Variants in CDH13 observed in about 807,000 individuals in gnomAD.
CDH13 encodes the protein cadherin-13.
Under a neutral mutation model 63.8 loss-of-function variants are expected in CDH13, and 24 were observed. The ratio of observed to expected loss-of-function variants is 0.38; its 90% CI spans 0.27 to 0.53. The LOEUF (loss-of-function observed/expected upper bound fraction) is 0.53. CDH13 is among the 20% of genes least tolerant of loss of function. The probability of loss-of-function intolerance (pLI) is 0.85; values close to 1 mark genes in which losing one functional copy is unlikely to be tolerated. For synonymous variants in CDH13, 503 were observed against 355.3 expected (o/e 1.42, Z -4.67); for missense variants, 1,049 against 903.1 (o/e 1.16, Z -2.07).
At chr16:83,400,854 A>C (rs1180277981) in intron 6 of CDH13, among the ~76,000 whole-genome samples, 1 of 152,158 alleles carries the variant, frequency 6.6e-6, no homozygotes, top group Non-Finnish European at 1.5e-5. Flanking sequence ...GGATTACTTT[A>C]AAATTCGGTC....
intron 8 of CDH13, among the ~76,000 whole-genome samples, chr16:83,614,226 G>A (rs1909096882): frequency 6.6e-6 from 1 of 152,194 alleles, no homozygotes; most frequent in Non-Finnish European, 1.5e-5. Context: ...ATGACTTTAA[G>A]TCAGTCTGAG....
At chr16:83,265,753 T>TTTTTTTTTTTTTTTTTC in intron 5 of CDH13, among the ~76,000 whole-genome samples, 1 of 132,548 alleles carries the variant, frequency 7.5e-6, no homozygotes, top group South Asian at 2.5e-4. Context: ...TTTTTTTTTT[T>TTTTTTTTTTTTTTTTTC]GGTCTGTGTC....
At chr16:83,151,935 C>T (rs918810409) in intron 4 of CDH13, among the ~76,000 whole-genome samples, 3 of 148,288 alleles carry the variant, frequency 2.0e-5, no homozygotes, top group African/African-American at 7.6e-5. Flanking sequence ...GCGCTCCAGC[C>T]TGGGCAACAA....
chr16:83,492,541 G>C (rs773366054), intron 7 of CDH13, among the ~76,000 whole-genome samples: 25 of 152,218 alleles, frequency 1.6e-4, no homozygotes, highest in Admixed American at 3.9e-4. Context: ...GGAAAAAGTA[G>C]ATGTAAATAA....
At chr16:83,084,047 A>G (rs1244084427) in intron 3 of CDH13, among the ~76,000 whole-genome samples, 2 of 152,232 alleles carry the variant, frequency 1.3e-5, no homozygotes, top group Admixed American at 6.5e-5. Context: ...TTGTGGCCAC[A>G]TGAACTGGCA....
intron 2 of CDH13, among the ~76,000 whole-genome samples, chr16:82,949,428 G>A (rs6565089): frequency 0.21 from 31,830 of 152,162 alleles, 3,428 homozygotes; most frequent in Middle Eastern, 0.28. Context: ...CATGTGCACA[G>A]ATTCTATTCC....
chr16:83,646,196 C>T (rs769086127), intron 8 of CDH13, among the ~76,000 whole-genome samples: 1 of 152,182 alleles, frequency 6.6e-6, no homozygotes, highest in Non-Finnish European at 1.5e-5. Flanking sequence ...CACTCCCTAA[C>T]TCTGCTACCC....
In CDH13 at chr16:82,796,944, C is replaced by G. The variant is rs78562558; in HGVS notation, c.46-61418C>G. Among the ~76,000 whole-genome samples the G allele has an allele frequency of 7.7e-3, 1,174 of 152,258 alleles. 10 individuals carry two copies. The highest frequency in any genetic ancestry group is 0.026 in the African/African-American group (1,092 of 41,538). On this transcript the variant is annotated intron_variant, in intron 1 of 13. Coordinates refer to ENST00000567109, the MANE Select transcript of CDH13 (RefSeq NM_001257.5). ...TCAGATTACATGGGTAAGTTTGCTCCTTACAACTAGACTGAATGCCCATTG... is the reference window on the plus strand; with the variant it reads ...TCAGATTACATGGGTAAGTTTGCTCGTTACAACTAGACTGAATGCCCATTG...
intron 1 of CDH13, among the ~76,000 whole-genome samples, chr16:82,651,953 G>A (rs1910768280): frequency 2.0e-5 from 3 of 152,208 alleles, no homozygotes; most frequent in Non-Finnish European, 4.4e-5. Flanking sequence ...AATTCAGGAA[G>A]GGCCAGCGCC....
intron 8 of CDH13, among the ~76,000 whole-genome samples, chr16:83,613,280 C>T (rs564875456): frequency 1.1e-4 from 16 of 152,266 alleles, no homozygotes; most frequent in African/African-American, 2.2e-4. Context: ...TGGTTTAATT[C>T]GTATTAATTA....
intron 1 of CDH13, among the ~76,000 whole-genome samples, chr16:82,854,783 C>A (rs561014166): frequency 6.6e-6 from 1 of 152,138 alleles, no homozygotes; most frequent in African/African-American, 2.4e-5. Flanking sequence ...TCTATATTTT[C>A]CTTTCCAGTT....
chr16:83,769,428 G>A (rs552324480), intron 11 of CDH13, among the ~76,000 whole-genome samples: 1 of 152,296 alleles, frequency 6.6e-6, no homozygotes, highest in South Asian at 2.1e-4. Flanking sequence ...ACAAGATCCA[G>A]GCCTGGTACA....
chr16:83,532,293 A>G (rs2075099284), intron 7 of CDH13, among the ~76,000 whole-genome samples: 1 of 152,162 alleles, frequency 6.6e-6, no homozygotes, highest in African/African-American at 2.4e-5. Flanking sequence ...GTCACTCCTC[A>G]AAGGTGACTT....
chr16:82,694,702 T>C (rs1001622849), intron 1 of CDH13, among the ~76,000 whole-genome samples: 9 of 152,310 alleles, frequency 5.9e-5, no homozygotes, highest in African/African-American at 2.2e-4. Context: ...AAGGACCTAC[T>C]GAATGAATGA....
intron 1 of CDH13, chr16:82,705,289 A>G (rs2031399405): frequency 2.6e-6 from 1 of 382,330 alleles, no homozygotes; most frequent in Admixed American, 3.6e-5. Flanking sequence ...GATGTCCAAT[A>G]TATTCTTACT....
chr16:82,713,135 G>A (rs1297132785), intron 1 of CDH13, among the ~76,000 whole-genome samples: 1 of 151,984 alleles, frequency 6.6e-6, no homozygotes, highest in South Asian at 2.1e-4. Context: ...ATAGCAACTC[G>A]AAGTCATTGT....
chr16:83,367,171 C>A (rs1433520304), intron 6 of CDH13, among the ~76,000 whole-genome samples: 1 of 152,212 alleles, frequency 6.6e-6, no homozygotes, highest in Non-Finnish European at 1.5e-5. Context: ...GATCCACTTT[C>A]TACCTCCATG....
At chr16:82,878,111 G>A (rs1431859949) in intron 2 of CDH13, among the ~76,000 whole-genome samples, 2 of 151,984 alleles carry the variant, frequency 1.3e-5, no homozygotes, top group Non-Finnish European at 2.9e-5. Context: ...AGCCTCAGAA[G>A]CCAGATTGTC....
At chr16:83,216,379 C>T (rs1450679112) in intron 4 of CDH13, among the ~76,000 whole-genome samples, 1 of 78,678 alleles carries the variant, frequency 1.3e-5, no homozygotes, top group Non-Finnish European at 2.8e-5. Flanking sequence ...TAATAATGTC[C>T]TCTGCCTCCA....
Sources: allele counts gnomAD v4.1 joint callset (sites outside exome capture counted in the v4.1 genomes callset), GRCh38; gene constraint gnomAD v4.1.1; transcripts MANE v1.5; gene names NCBI Gene and HGNC (gene_info 2026-07-23, HGNC 2026-07-21).